CAMTA1: variants seen among roughly 807,000 people sequenced by gnomAD.
CAMTA1 encodes calmodulin-binding transcription activator 1.
CAMTA1 carries 27 observed loss-of-function variants against 170.9 expected under a neutral mutation model. That is an observed-to-expected ratio of 0.16 (90% CI 0.12 to 0.22). CAMTA1 has a LOEUF of 0.22. Ranked by LOEUF, CAMTA1 falls within the 10% of genes least tolerant of loss-of-function variation. The pLI is 1.00. For synonymous variants in CAMTA1, 833 were observed against 891.5 expected (o/e 0.93, Z 1.17); for missense variants, 1,619 against 2,217.2 (o/e 0.73, Z 5.42).
intron 6 of CAMTA1, among the ~76,000 whole-genome samples, chr1:7,589,130 C>T (rs1213937294): frequency 1.3e-5 from 2 of 152,184 alleles, no homozygotes; most frequent in African/African-American, 4.8e-5. Flanking sequence ...TGGAGAAAGA[C>T]GCTTGCCCCA....
intron 7 of CAMTA1, 105 bp from the exon 8 acceptor site, chr1:7,661,621 T>C (rs537204977): frequency 1.4e-4 from 188 of 1,317,166 alleles, no homozygotes; most frequent in East Asian, 4.2e-4. Context: ...TCCCCAGCAG[T>C]GAGAGGGCTG....
At chr1:6,889,632 A>G (rs1477878115) in intron 3 of CAMTA1, among the ~76,000 whole-genome samples, 1 of 152,142 alleles carries the variant, frequency 6.6e-6, no homozygotes, top group Non-Finnish European at 1.5e-5. Flanking sequence ...CTGTAGTTTT[A>G]TTATGGTTAA....
chr1:7,129,542 T>C (rs976101186), intron 4 of CAMTA1, among the ~76,000 whole-genome samples: 3 of 152,220 alleles, frequency 2.0e-5, no homozygotes, highest in African/African-American at 7.2e-5. Flanking sequence ...TGTGTGAGGT[T>C]CTTACTCCAG....
chr1:7,047,952 G>A (rs963420434), intron 3 of CAMTA1, among the ~76,000 whole-genome samples: 6 of 152,102 alleles, frequency 3.9e-5, no homozygotes, highest in African/African-American at 1.4e-4. Flanking sequence ...AGTATTCATT[G>A]ACAAAGAAGA....
chr1:7,220,619 G>A (rs1352103294), intron 4 of CAMTA1, among the ~76,000 whole-genome samples: 3 of 152,152 alleles, frequency 2.0e-5, no homozygotes, highest in African/African-American at 4.8e-5. Context: ...GGACCACCTC[G>A]GCTCTGTGGC....
chr1:7,583,025 C>T (rs756987447), intron 6 of CAMTA1, among the ~76,000 whole-genome samples: 22 of 152,168 alleles, frequency 1.4e-4, no homozygotes, highest in Non-Finnish European at 2.1e-4. Context: ...GGAGTGCACA[C>T]GCTCCAGAAC....
chr1:7,069,277 C>T (rs1638277618), intron 3 of CAMTA1, among the ~76,000 whole-genome samples: 1 of 152,214 alleles, frequency 6.6e-6, no homozygotes, highest in Admixed American at 6.5e-5. Context: ...CTAGCCCTCC[C>T]AGAGACCCTC....
intron 3 of CAMTA1, among the ~76,000 whole-genome samples, chr1:7,005,793 T>G (rs1698913858): frequency 6.6e-6 from 1 of 152,232 alleles, no homozygotes; most frequent in East Asian, 1.9e-4. Context: ...AAAAGTTGTT[T>G]CTGGCTAGAG....
chr1:7,662,207 C>T lies in CAMTA1; in HGVS notation c.805+341C>T, dbSNP rs2095965542. ...GTTCAGGCCCACACTCTTGGGCATCCTCTGCCAGAGGGCACTGGGGTCTTG... is the reference window on the plus strand; with the variant it reads ...GTTCAGGCCCACACTCTTGGGCATCTTCTGCCAGAGGGCACTGGGGTCTTG... On this transcript the variant is annotated intron_variant, in intron 8 of 22. Coordinates refer to ENST00000303635, the MANE Select transcript of CAMTA1 (RefSeq NM_015215.4). 2.6e-5 allele frequency among the ~76,000 whole-genome samples: 4 copies of T among 152,218 alleles called. No homozygotes were observed. In the South Asian group the frequency reaches 6.2e-4, roughly 24 times the overall value.
chr1:7,368,435 G>T, intron 5 of CAMTA1, among the ~76,000 whole-genome samples: 1 of 152,068 alleles, frequency 6.6e-6, no homozygotes, highest in Admixed American at 6.5e-5. Context: ...GGGCACTCAT[G>T]GTTTCATTGG....
intron 6 of CAMTA1, among the ~76,000 whole-genome samples, chr1:7,538,704 C>G (rs2094576263): frequency 6.6e-6 from 1 of 152,208 alleles, no homozygotes; most frequent in African/African-American, 2.4e-5. Context: ...CCCCAACAAA[C>G]TGAGTCTGCC....
chr1:7,070,768 G>T (rs72640062), intron 3 of CAMTA1, among the ~76,000 whole-genome samples: 9,921 of 152,298 alleles, frequency 0.065, 395 homozygotes, highest in East Asian at 0.18. Context: ...CCTCCAGCTT[G>T]TCAAACTGTC....
intron 21 of CAMTA1, among the ~76,000 whole-genome samples, 154 bp from the exon 22 acceptor site, chr1:7,755,484 C>T (rs2096925617): frequency 6.6e-6 from 1 of 152,044 alleles, no homozygotes; most frequent in African/African-American, 2.4e-5. Context: ...TTTTTACCTA[C>T]TCATTTCACG....
rs768179983 is a variant in CAMTA1 at position 7,173,535 on chromosome 1, G to A, written c.303-75956G>A. 1.1e-4 allele frequency among the ~76,000 whole-genome samples: 16 copies of A among 152,052 alleles called. No homozygotes were observed. The highest frequency in any genetic ancestry group is 2.7e-4 in the African/African-American group (11 of 41,482). ...CTCAAGTAGCTGGGATTACAGGCAC[G>A]TGCCACCACACCAGGCTAATTTTGT... On this transcript the variant is annotated intron_variant, in intron 4 of 22. Transcript: ENST00000303635. The surrounding 1 kb of genome is among the most constrained non-coding windows in gnomAD (Gnocchi z 5.4).
chr1:6,811,708 G>T (rs995637653), intron 1 of CAMTA1, among the ~76,000 whole-genome samples: 2 of 152,206 alleles, frequency 1.3e-5, no homozygotes, highest in African/African-American at 4.8e-5. Context: ...AAGCTTTTGT[G>T]CATGGACTTC....
rs932776079 is a variant in CAMTA1 at position 7,393,586 on chromosome 1, T to C, written c.439-74244T>C. Reference sequence around the variant, plus strand: ...GCTTTCACATTTAATTGACACAGGATAATTGTACATGTTTATGGGATACAG... The same window carrying C: ...GCTTTCACATTTAATTGACACAGGACAATTGTACATGTTTATGGGATACAG... On this transcript the variant is annotated intron_variant, in intron 5 of 22. Coordinates refer to ENST00000303635, the MANE Select transcript of CAMTA1 (RefSeq NM_015215.4). 3.3e-5 allele frequency among the ~76,000 whole-genome samples: 5 copies of C among 152,298 alleles called. No individual in the cohort carries two copies. In the South Asian group the frequency reaches 1.0e-3, roughly 32 times the overall value.
intron 6 of CAMTA1, among the ~76,000 whole-genome samples, chr1:7,559,939 A>T (rs1227492792): frequency 2.6e-5 from 4 of 152,198 alleles, no homozygotes; most frequent in African/African-American, 9.6e-5. Context: ...GGGTTCTTGG[A>T]TGAGAGCTTG....
intron 3 of CAMTA1, among the ~76,000 whole-genome samples, chr1:6,940,783 A>G (rs906807414): frequency 2.6e-5 from 4 of 151,724 alleles, no homozygotes; most frequent in African/African-American, 9.7e-5. Context: ...GATAGATGGC[A>G]GGTGTCCACA....
chr1:7,734,394 A>G (rs1013383394), intron 12 of CAMTA1, among the ~76,000 whole-genome samples: 14 of 152,244 alleles, frequency 9.2e-5, no homozygotes, highest in African/African-American at 3.4e-4. Context: ...CTCAGCCACT[A>G]CGCAGCTGGC....
Sources: allele counts gnomAD v4.1 joint callset (sites outside exome capture counted in the v4.1 genomes callset), GRCh38; gene constraint gnomAD v4.1.1; non-coding constraint Gnocchi (gnomAD v3.1); transcripts MANE v1.5; gene names NCBI Gene and HGNC (gene_info 2026-07-23, HGNC 2026-07-21).